GLT8D2: variants seen among roughly 807,000 people sequenced by gnomAD.
The protein encoded by GLT8D2 is glycosyltransferase 8 domain-containing protein 2.
Under a neutral mutation model 44.5 loss-of-function variants are expected in GLT8D2, and 45 were observed. That is an observed-to-expected ratio of 1.01 (90% CI 0.80 to 1.30). GLT8D2 has a LOEUF of 1.30. Among genes scored for constraint, GLT8D2 ranks in the 50% most tolerant of loss-of-function variants. GLT8D2 has a pLI of 0.00. For missense variants in GLT8D2, 400 were observed against 430.4 expected (o/e 0.93, Z 0.62); for synonymous variants, 156 against 157.2 (o/e 0.99, Z 0.06).
upstream of GLT8D2, among the ~76,000 whole-genome samples, chr12:104,050,722 A>G (rs1356054126): frequency 1.3e-5 from 2 of 151,960 alleles, no homozygotes; most frequent in African/African-American, 4.8e-5. Flanking sequence ...TCCTCTTCCT[A>G]TTTCCTATAA....
upstream of GLT8D2, among the ~76,000 whole-genome samples, chr12:104,052,048 A>G (rs1289116622): frequency 6.6e-6 from 1 of 152,232 alleles, no homozygotes; most frequent in East Asian, 1.9e-4. Context: ...TCACGAGTCC[A>G]GGTTGGTCCA....
chr12:104,026,873 G>C (rs929280443), intron 1 of GLT8D2, among the ~76,000 whole-genome samples: 17 of 152,176 alleles, frequency 1.1e-4, no homozygotes, highest in African/African-American at 3.9e-4. Flanking sequence ...TCTTTAAAAG[G>C]AACTTCTGAA....
chr12:104,035,860 A>G (rs554104223), intron 1 of GLT8D2, among the ~76,000 whole-genome samples: 19 of 152,184 alleles, frequency 1.2e-4, no homozygotes, highest in Non-Finnish European at 2.5e-4. Flanking sequence ...CCCAAGATAT[A>G]TAATTGTCAG....
At chr12:104,016,826 A>AGAG (rs1876849980) in intron 3 of GLT8D2, among the ~76,000 whole-genome samples, 1 of 72,498 alleles carries the variant, frequency 1.4e-5, no homozygotes, top group African/African-American at 5.8e-5. Context: ...AAAGAGAAAG[A>AGAG]AAAGAAAGAA....
chr12:104,040,258 C>T (rs997668044), intron 1 of GLT8D2, among the ~76,000 whole-genome samples: 2 of 152,122 alleles, frequency 1.3e-5, no homozygotes, highest in Non-Finnish European at 2.9e-5. Flanking sequence ...AACAAACCTG[C>T]ACGTTGTGCA....
At chr12:104,046,583 C>T (rs953850792) in intron 1 of GLT8D2, among the ~76,000 whole-genome samples, 1 of 152,226 alleles carries the variant, frequency 6.6e-6, no homozygotes, top group Non-Finnish European at 1.5e-5. Context: ...TGTGAGTTAA[C>T]TCTGCAAGAC....
At chr12:104,045,578 G>GTTTAAAATTAAGCTTTAAAAT (rs1880994916) in intron 1 of GLT8D2, among the ~76,000 whole-genome samples, 1 of 152,122 alleles carries the variant, frequency 6.6e-6, no homozygotes, top group African/African-American at 2.4e-5. Flanking sequence ...GAAGAGGCCT[G>GTTTAAAATTAAGCTTTAAAAT]TAAGTTTAAA....
At chr12:104,062,588 G>T (rs1037226337) in intron 1 of GLT8D2, among the ~76,000 whole-genome samples, 22 of 152,138 alleles carry the variant, frequency 1.4e-4, no homozygotes, top group Non-Finnish European at 1.5e-5. Flanking sequence ...CTGAGGTAGG[G>T]ATTTAAATTG....
chr12:104,057,797 A>G (rs747622735), intron 1 of GLT8D2, among the ~76,000 whole-genome samples: 6 of 152,132 alleles, frequency 3.9e-5, no homozygotes, highest in Non-Finnish European at 8.8e-5. Context: ...TACATGTATT[A>G]TTTCATTTAC....
At chr12:103,994,661 C>T (rs905181331) in intron 8 of GLT8D2, among the ~76,000 whole-genome samples, 160 bp from the exon 9 acceptor site, 1 of 152,176 alleles carries the variant, frequency 6.6e-6, no homozygotes, top group Non-Finnish European at 1.5e-5. Flanking sequence ...TGGTTTCCCT[C>T]ATTTCTCCAA....
At chr12:104,020,601 T>G (rs1199428504) in intron 2 of GLT8D2, among the ~76,000 whole-genome samples, 1 of 152,112 alleles carries the variant, frequency 6.6e-6, no homozygotes, top group African/African-American at 2.4e-5. Context: ...TATTAGATTA[T>G]GGTAAGTGCT....
intron 1 of GLT8D2, among the ~76,000 whole-genome samples, chr12:104,063,013 C>G (rs1882810455): frequency 1.3e-5 from 2 of 152,030 alleles, no homozygotes; most frequent in Admixed American, 1.3e-4. Flanking sequence ...ATTGTGTACT[C>G]CCTATGAGAA....
At chr12:104,051,593 G>A (rs994361713), upstream of GLT8D2, among the ~76,000 whole-genome samples, 1 of 152,084 alleles carries the variant, frequency 6.6e-6, no homozygotes, top group East Asian at 1.9e-4. Context: ...GCTTATGTTG[G>A]AAACATTCAA....
intron 4 of GLT8D2, among the ~76,000 whole-genome samples, chr12:104,004,150 G>A (rs565934667): frequency 3.5e-4 from 53 of 152,120 alleles, no homozygotes; most frequent in Admixed American, 9.8e-4. Flanking sequence ...ATCAATAGAA[G>A]CAGAAAAGGC....
At chr12:104,038,136 A>G (rs1013012687) in intron 1 of GLT8D2, among the ~76,000 whole-genome samples, 7 of 152,182 alleles carry the variant, frequency 4.6e-5, no homozygotes, top group Non-Finnish European at 8.8e-5. Flanking sequence ...GTACTGATGG[A>G]ACGTGTCTCA....
At chr12:104,051,367 C>T (rs533579659), upstream of GLT8D2, among the ~76,000 whole-genome samples, 85 of 152,150 alleles carry the variant, frequency 5.6e-4, no homozygotes, top group African/African-American at 1.9e-3. Context: ...TTTTACTTTA[C>T]CCAATATATA....
At chr12:104,011,854 C>T (rs1412095192) in intron 4 of GLT8D2, among the ~76,000 whole-genome samples, 1 of 151,898 alleles carries the variant, frequency 6.6e-6, no homozygotes, top group Non-Finnish European at 1.5e-5. Context: ...GCCCCTTAAA[C>T]CCTTCTTAAT....
Position 103,993,407 on chromosome 12 carries a change from G to A in GLT8D2, c.865C>T (p.His289Tyr), listed in dbSNP as rs764737275. The change falls in exon 10 of 11, where the codon CAC (histidine) becomes TAC (tyrosine). Residue 289 changes from histidine (H) to tyrosine (Y), a missense_variant. Coordinates refer to ENST00000360814, the MANE Select transcript of GLT8D2 (RefSeq NM_001384711.1). ...GKYSTINPLW[H>Y]IRHLGWNPDA... Reference sequence around the variant, plus strand: ...AAATACTTACCCAGGTGCCTTATGTGCCACAGGGGGTTAATTGTGGAATAT... The same window carrying A: ...AAATACTTACCCAGGTGCCTTATGTACCACAGGGGGTTAATTGTGGAATAT... The A allele has an allele frequency of 1.4e-5, 22 of 1,612,512 alleles. No individual in the cohort carries two copies. The highest frequency in any genetic ancestry group is 1.9e-5 in the Non-Finnish European group (22 of 1,178,604).
chr12:104,019,228 A>G (rs1325648128), intron 3 of GLT8D2, among the ~76,000 whole-genome samples: 1 of 151,024 alleles, frequency 6.6e-6, no homozygotes, highest in Non-Finnish European at 1.5e-5. Flanking sequence ...CCCAGGCTCA[A>G]GTGATCCCCC....
Sources: allele counts gnomAD v4.1 joint callset (sites outside exome capture counted in the v4.1 genomes callset), GRCh38; gene constraint gnomAD v4.1.1; transcripts MANE v1.5; gene names NCBI Gene and HGNC (gene_info 2026-07-23, HGNC 2026-07-21).